The following NUP98 variants were observed in gnomAD, a reference collection of about 807,000 sequenced individuals.
NUP98 encodes nuclear pore complex protein Nup98-Nup96.
A neutral mutation model predicts 191.9 loss-of-function variants in NUP98; 26 were observed. That is an observed-to-expected ratio of 0.14 (90% confidence interval 0.10 to 0.19). The LOEUF is 0.19. Ranked by LOEUF, NUP98 falls within the 10% of genes least tolerant of loss-of-function variation. The pLI is 1.00. For synonymous variants in NUP98, 808 were observed against 778.4 expected (o/e 1.04, Z -0.63); for missense variants, 1,941 against 2,178.8 (o/e 0.89, Z 2.17).
In NUP98 at chr11:3,779,157, T is replaced by C; in HGVS notation, c.177A>G (p.Pro59=). ...GGLFGNSQTK[P]GGLFGTSSFS... Reference sequence around the variant, plus strand: ...TTATATCACAAATAAAGCCCCTACCTGGTTTAGTCTGTGAATTTCCAAAGA... The same window carrying C: ...TTATATCACAAATAAAGCCCCTACCCGGTTTAGTCTGTGAATTTCCAAAGA... Residue 59 remains proline, a splice_region_variant and synonymous_variant, in exon 3 of 33, where the codon CCA becomes CCG. Transcript: ENST00000324932. 1.2e-6 allele frequency: 2 copies of C among 1,613,978 alleles called. No homozygotes were observed. The highest frequency in any genetic ancestry group is 1.7e-6 in the Non-Finnish European group (2 of 1,179,834).
At chr11:3,706,761 T>A (rs954853987) in intron 20 of NUP98, 134 bp from the exon 21 acceptor site, 2 of 821,422 alleles carry the variant, frequency 2.4e-6, no homozygotes, top group Non-Finnish European at 3.8e-6. Flanking sequence ...TGAGGTAAGG[T>A]AGCAGATTTG....
chr11:3,752,108 C>G (rs2080781581), intron 11 of NUP98, among the ~76,000 whole-genome samples: 1 of 150,068 alleles, frequency 6.7e-6, no homozygotes, highest in South Asian at 2.1e-4. Context: ...TATGCCACTG[C>G]ACTCCAGCCT....
intron 16 of NUP98, among the ~76,000 whole-genome samples, chr11:3,722,342 C>T (rs1211388255): frequency 2.0e-5 from 3 of 151,846 alleles, no homozygotes; most frequent in East Asian, 1.9e-4. Flanking sequence ...TTTCAAACTT[C>T]TGGGTTCAAA....
Position 3,676,656 on chromosome 11 carries a change from G to T in NUP98, c.5074-36C>A, listed in dbSNP as rs2077822301. 4.0e-6 allele frequency: 6 copies of T among 1,497,408 alleles called. No individual in the cohort carries two copies. In the East Asian group the frequency reaches 1.4e-4, roughly 34 times the overall value. The allele number at this position is 1,497,408 out of a possible 1,614,324, so 92.8% of individuals were successfully genotyped here. ...GCAGAGAAGCCAATTAATCCAAGGG[G>T]AGTTCCTATCACTCCAATCCCACCT... On this transcript the variant is annotated intron_variant, in intron 31 of 32. Transcript: ENST00000324932.
At chr11:3,693,185 T>C (rs757331905) in intron 27 of NUP98, 47 bp downstream of exon 27, 4 of 1,605,750 alleles carry the variant, frequency 2.5e-6, no homozygotes, top group East Asian at 2.2e-5. Flanking sequence ...TTGACAATAC[T>C]TTAACACCCA....
intron 16 of NUP98, 154 bp from the exon 17 acceptor site, chr11:3,720,979 T>TGA: frequency 3.2e-6 from 1 of 312,776 alleles, no homozygotes; most frequent in African/African-American, 2.2e-5. Context: ...TGTGTGAGTG[T>TGA]GTGTGTGTGT....
At chr11:3,750,092 A>G (rs903206143) in intron 11 of NUP98, among the ~76,000 whole-genome samples, 1 of 152,244 alleles carries the variant, frequency 6.6e-6, no homozygotes, top group Non-Finnish European at 1.5e-5. Context: ...AAATAATGGT[A>G]TATGTATGAT....
At chr11:3,784,264 G>A (rs192710928) in intron 1 of NUP98, among the ~76,000 whole-genome samples, 3 of 152,264 alleles carry the variant, frequency 2.0e-5, no homozygotes, top group Admixed American at 2.0e-4. Flanking sequence ...CACTGAAAAA[G>A]ATAAGGCTGT....
At chr11:3,704,419 G>A (rs546127888) in intron 22 of NUP98, among the ~76,000 whole-genome samples, 1 of 152,260 alleles carries the variant, frequency 6.6e-6, no homozygotes, top group African/African-American at 2.4e-5. Flanking sequence ...CACTTCCCTG[G>A]GAATTTAAAA....
intron 8 of NUP98, among the ~76,000 whole-genome samples, chr11:3,764,005 T>C (rs2081259878): frequency 6.6e-6 from 1 of 152,228 alleles, no homozygotes; most frequent in African/African-American, 2.4e-5. Context: ...GAGACACAAT[T>C]CAAACATCAT....
intron 1 of NUP98, among the ~76,000 whole-genome samples, chr11:3,784,250 G>A (rs936383977): frequency 5.3e-5 from 8 of 152,182 alleles, no homozygotes; most frequent in African/African-American, 1.7e-4. Context: ...AACATTTTGT[G>A]CAACACTGAA....
chr11:3,772,677 T>C (rs920185804), intron 6 of NUP98, among the ~76,000 whole-genome samples: 1 of 152,070 alleles, frequency 6.6e-6, no homozygotes, highest in Admixed American at 6.6e-5. Flanking sequence ...TAGCTGGGCA[T>C]AGTGGCGTGC....
chr11:3,709,428 G>T (rs2078965563), intron 20 of NUP98, among the ~76,000 whole-genome samples: 1 of 151,804 alleles, frequency 6.6e-6, no homozygotes, highest in Non-Finnish European at 1.5e-5. Context: ...TTTAGGCAGG[G>T]CGCTGTGGCT....
At chr11:3,723,590 C>T in intron 15 of NUP98, 135 bp from the exon 16 acceptor site, 1 of 658,688 alleles carries the variant, frequency 1.5e-6, no homozygotes, top group African/African-American at 1.8e-5. Context: ...TCACTTAATA[C>T]TTACTACAGC....
intron 11 of NUP98, among the ~76,000 whole-genome samples, chr11:3,747,333 C>A (rs1241824857): frequency 6.6e-6 from 1 of 152,072 alleles, no homozygotes; most frequent in East Asian, 1.9e-4. Context: ...CTATTAGCAC[C>A]AGAAAGATTT....
At chr11:3,713,606 C>CGGA (rs2079084959) in intron 19 of NUP98, among the ~76,000 whole-genome samples, 1 of 152,140 alleles carries the variant, frequency 6.6e-6, no homozygotes, top group Non-Finnish European at 1.5e-5. Context: ...ATAATCCCAG[C>CGGA]TACTTGGGAG....
intron 32 of NUP98, 21 bp downstream of exon 32, chr11:3,676,488 G>C (rs1399115907): frequency 2.5e-6 from 4 of 1,607,446 alleles, no homozygotes; most frequent in Admixed American, 3.3e-5. Context: ...GGCAGAAAGA[G>C]TGAGGAGGTT....
At chr11:3,741,609 A>G (rs2080289052) in intron 12 of NUP98, among the ~76,000 whole-genome samples, 1 of 152,272 alleles carries the variant, frequency 6.6e-6, no homozygotes, top group East Asian at 1.9e-4. Flanking sequence ...TGACAGTGCG[A>G]AACTCCGTCT....
chr11:3,750,727 A>G lies in NUP98; in HGVS notation c.1267+2589T>C, dbSNP rs184583542. On this transcript the variant is annotated intron_variant, in intron 11 of 32. Coordinates refer to ENST00000324932, the MANE Select transcript of NUP98 (RefSeq NM_016320.5). Reference sequence around the variant, plus strand: ...ACTGCAGCATCTACCTCCCAGGCTGAAGCGATCCTCCCACAGCACATCTCA... The same window carrying G: ...ACTGCAGCATCTACCTCCCAGGCTGGAGCGATCCTCCCACAGCACATCTCA... 2.1e-3 allele frequency among the ~76,000 whole-genome samples: 323 copies of G among 151,982 alleles called. 2 individuals are homozygous for G. Among genetic ancestry groups the G allele is most frequent in the Non-Finnish European group, 3.8e-3 (260 of 67,950 alleles).
Sources: gnomAD v4.1 joint callset for allele counts (sites outside exome capture counted in the v4.1 genomes callset) on GRCh38, gnomAD v4.1.1 for gene constraint, MANE v1.5 for transcripts, NCBI Gene and HGNC (gene_info 2026-07-23, HGNC 2026-07-21) for gene names.